The following BLTP1 variants were observed in gnomAD, a reference collection of about 807,000 sequenced individuals.
BLTP1 encodes the protein fragile site-associated protein.
the BLTP1 span, among the ~76,000 whole-genome samples, chr4:122,164,184 T>TGACTAGGTTAGACTAGGTTA: frequency 6.6e-6 from 1 of 152,194 alleles, no homozygotes; most frequent in East Asian, 1.9e-4. Context: ...GAGTTACAGA[T>TGACTAGGTTAGACTAGGTTA]GACTAGGTTA....
At chr4:122,357,083 A>G in the BLTP1 span, 1 of 953,628 alleles carries the variant, frequency 1.0e-6, no homozygotes, top group Admixed American at 6.2e-5. Context: ...AAACAACTAC[A>G]TAATAAAGAA....
chr4:122,244,152 C>T, the BLTP1 span: 2 of 1,023,878 alleles, frequency 2.0e-6, no homozygotes, highest in Non-Finnish European at 2.6e-6. Flanking sequence ...GATATATGTT[C>T]ATATAGAAGA....
the BLTP1 span, chr4:122,196,878 C>T: frequency 1.6e-6 from 1 of 627,362 alleles, no homozygotes. Flanking sequence ...TAGTCCCATA[C>T]TTGGATTAAT....
chr4:122,263,174 T>G, the BLTP1 span: 6 of 984,006 alleles, frequency 6.1e-6, no homozygotes, highest in Non-Finnish European at 7.2e-6. Context: ...TTAGTTTGCA[T>G]TTTTAAATTG....
chr4:122,309,568 G>T, the BLTP1 span: 2 of 1,162,254 alleles, frequency 1.7e-6, no homozygotes, highest in Non-Finnish European at 2.4e-6. Context: ...AATGTTTTTA[G>T]ACTTTGAGAA....
chr4:122,175,942 A>C, the BLTP1 span: 2 of 1,038,242 alleles, frequency 1.9e-6, no homozygotes, highest in Non-Finnish European at 3.0e-6. Flanking sequence ...ATGTGTTTAA[A>C]ATGTTCAATC....
At chr4:122,297,575 A>G in the BLTP1 span, among the ~76,000 whole-genome samples, 3 of 152,266 alleles carry the variant, frequency 2.0e-5, no homozygotes, top group Non-Finnish European at 2.9e-5. Context: ...CCAAAGGAAC[A>G]TAAATCATTC....
At chr4:122,291,652 G>A in the BLTP1 span, 49 of 800,440 alleles carry the variant, frequency 6.1e-5, no homozygotes, top group Non-Finnish European at 7.1e-5. Context: ...AGTAAGCACT[G>A]ATCAAGTAAA....
the BLTP1 span, among the ~76,000 whole-genome samples, chr4:122,351,697 T>C: frequency 6.6e-6 from 1 of 152,214 alleles, no homozygotes. Context: ...CATTTATGTT[T>C]TTCCTGTAGT....
chr4:122,267,249 C>T, the BLTP1 span, among the ~76,000 whole-genome samples: 2 of 151,396 alleles, frequency 1.3e-5, no homozygotes, highest in Non-Finnish European at 2.9e-5. Flanking sequence ...TTAGTAGAGA[C>T]GGGGTTTCAC....
the BLTP1 span, chr4:122,178,077 A>C: frequency 8.0e-6 from 7 of 877,220 alleles, no homozygotes; most frequent in African/African-American, 1.3e-4. Flanking sequence ...TCATACTTCT[A>C]AGTAAAACAA....
the BLTP1 span, chr4:122,220,492 G>A: frequency 6.4e-7 from 1 of 1,571,586 alleles, no homozygotes; most frequent in Non-Finnish European, 8.7e-7. Flanking sequence ...ATGAAATATG[G>A]TGGAGACATA....
chr4:122,228,135 G>T, the BLTP1 span, among the ~76,000 whole-genome samples: 273 of 152,076 alleles, frequency 1.8e-3, 1 homozygote, highest in Non-Finnish European at 3.3e-3. Flanking sequence ...GGATGGTCTT[G>T]ATCTCCTGAC....
the BLTP1 span, chr4:122,354,144 T>A: frequency 1.3e-6 from 1 of 798,498 alleles, no homozygotes; most frequent in Non-Finnish European, 2.0e-6. Flanking sequence ...TTAATCTTGC[T>A]GGCTGACACA....
the BLTP1 span, chr4:122,229,212 T>C: frequency 1.2e-6 from 2 of 1,610,176 alleles, no homozygotes; most frequent in East Asian, 2.2e-5. Context: ...ATTTACATTG[T>C]TGAGCATGGT....
At chr4:122,261,008 A>G in the BLTP1 span, among the ~76,000 whole-genome samples, 1 of 152,202 alleles carries the variant, frequency 6.6e-6, no homozygotes, top group African/African-American at 2.4e-5. Flanking sequence ...ATATAGGCCT[A>G]ACTGATTTAT....
At chr4:122,199,726 C>T in the BLTP1 span, among the ~76,000 whole-genome samples, 2 of 152,068 alleles carry the variant, frequency 1.3e-5, no homozygotes, top group Non-Finnish European at 2.9e-5. Context: ...TTTTAAAGTA[C>T]ATTGTGTGGC....
the BLTP1 span, among the ~76,000 whole-genome samples, chr4:122,277,321 A>G: frequency 1.3e-5 from 2 of 152,286 alleles, no homozygotes; most frequent in East Asian, 3.9e-4. Flanking sequence ...AGCCTGGGCA[A>G]CAACGAGACC....
At chr4:122,192,748 A>G in the BLTP1 span, among the ~76,000 whole-genome samples, 3 of 152,194 alleles carry the variant, frequency 2.0e-5, no homozygotes, top group Non-Finnish European at 2.9e-5. Context: ...AATAAAAGAC[A>G]TATATCTTCC....
Sources: gnomAD v4.1 joint callset for allele counts (sites outside exome capture counted in the v4.1 genomes callset) on GRCh38, gnomAD v4.1.1 for gene constraint, MANE v1.5 for transcripts, NCBI Gene and HGNC (gene_info 2026-07-23, HGNC 2026-07-21) for gene names.